Variants in WDR47 observed in about 807,000 individuals in gnomAD.
The protein encoded by WDR47 is WD repeat domain 47, also known as WD repeat-containing protein 47.
Under a neutral mutation model 97.2 loss-of-function variants are expected in WDR47, and 32 were observed. The ratio of observed to expected loss-of-function variants is 0.33; its 90% CI spans 0.25 to 0.44. The LOEUF (loss-of-function observed/expected upper bound fraction) is 0.44. WDR47 is among the 20% of genes least tolerant of loss of function. The pLI, the probability that WDR47 is intolerant of heterozygous loss-of-function variation, is 1.00. For synonymous variants in WDR47, 375 were observed against 373.5 expected, an observed-to-expected ratio of 1.00 and a Z score of -0.05; for missense variants, 782 against 1,102.3, an observed-to-expected ratio of 0.71 and a Z score of 4.11.
At chr1:108,982,345 C>CA in intron 12 of WDR47, among the ~76,000 whole-genome samples, 1 of 151,938 alleles carries the variant, frequency 6.6e-6, no homozygotes, top group East Asian at 1.9e-4. Context: ...CCAGTCTGGG[C>CA]AACATAGTGA....
intron 8 of WDR47, chr1:108,992,290 C>T (rs1009833746): frequency 1.2e-6 from 1 of 839,258 alleles, no homozygotes; most frequent in African/African-American, 1.7e-5. Flanking sequence ...AAATGGTTCG[C>T]TATTCACTTG....
intron 7 of WDR47, among the ~76,000 whole-genome samples, chr1:109,000,829 A>G (rs1468497012): frequency 6.6e-6 from 1 of 152,232 alleles, no homozygotes; most frequent in Non-Finnish European, 1.5e-5. Context: ...TCAAGTGAAG[A>G]GCTAACAGTC....
At chr1:108,997,052 G>T (rs1346060249) in intron 7 of WDR47, among the ~76,000 whole-genome samples, 1 of 151,578 alleles carries the variant, frequency 6.6e-6, no homozygotes, top group Admixed American at 6.6e-5. Flanking sequence ...GGAAGCGGAG[G>T]CTGCAGTGAG....
chr1:109,033,801 C>A (rs1488766092), intron 1 of WDR47, among the ~76,000 whole-genome samples: 1 of 152,232 alleles, frequency 6.6e-6, no homozygotes, highest in Non-Finnish European at 1.5e-5. Context: ...TGCCTGTAAT[C>A]CCAGCTACTC....
At chr1:108,986,490 G>T in intron 10 of WDR47, 33 bp downstream of exon 10, 1 of 1,553,534 alleles carries the variant, frequency 6.4e-7, no homozygotes, top group Non-Finnish European at 8.7e-7. Flanking sequence ...AAAAACTAAG[G>T]TAAGAATGGC....
In WDR47 at chr1:109,022,829, G is replaced by A. The variant is rs543293575; in HGVS notation, c.158+526C>T. Among the ~76,000 whole-genome samples the A allele has an allele frequency of 9.2e-5, 14 of 151,644 alleles. No individual in the cohort carries two copies. In the South Asian group the frequency reaches 1.7e-3, roughly 18 times the overall value. On this transcript the variant is annotated intron_variant, in intron 2 of 14. Transcript: ENST00000369962. ...CAAAACTCCTGACCTCAAGTGATCC[G>A]CCTGCCTCAGCCTCCCAAAGTGCTG...
At chr1:109,015,259 C>A (rs1661332381) in intron 3 of WDR47, among the ~76,000 whole-genome samples, 1 of 152,190 alleles carries the variant, frequency 6.6e-6, no homozygotes, top group Non-Finnish European at 1.5e-5. Context: ...GCTAACATTT[C>A]TGCATATAAC....
intron 5 of WDR47, among the ~76,000 whole-genome samples, chr1:109,010,105 T>C (rs1277842413): frequency 3.9e-5 from 6 of 152,216 alleles, no homozygotes; most frequent in Non-Finnish European, 8.8e-5. Flanking sequence ...CTCTTCTATA[T>C]TTTCCAAATT....
intron 1 of WDR47, among the ~76,000 whole-genome samples, chr1:109,037,115 A>C (rs544884906): frequency 4.9e-5 from 7 of 143,194 alleles, no homozygotes; most frequent in African/African-American, 1.8e-4. Flanking sequence ...AGATCACCTG[A>C]GGTTGGGAGT....
intron 7 of WDR47, among the ~76,000 whole-genome samples, chr1:108,999,575 G>A (rs1321184119): frequency 6.6e-6 from 1 of 151,650 alleles, no homozygotes; most frequent in Non-Finnish European, 1.5e-5. Flanking sequence ...GTGGTGGCTG[G>A]AGGATCACTT....
chr1:108,971,424 T>C lies in WDR47; in HGVS notation c.*6A>G. The C allele has an allele frequency of 6.2e-7, 1 of 1,613,968 alleles. No individual in the cohort carries two copies. Among genetic ancestry groups the C allele is most frequent in the Non-Finnish European group, 8.5e-7 (1 of 1,179,914 alleles). On this transcript the variant is annotated 3_prime_UTR_variant, in exon 15 of 15. Transcript: ENST00000369962. Reference sequence around the variant, plus strand: ...TTTTGCTGCATAGACTGACATGCGGTGTGCTCTACCCATTGTAAGTCCAGA... The same window carrying C: ...TTTTGCTGCATAGACTGACATGCGGCGTGCTCTACCCATTGTAAGTCCAGA...
In WDR47 at chr1:108,970,337, GAACT is replaced by G. The variant is rs1386697545; in HGVS notation, c.*1089_*1092del. ...CAGTGCACAGACAGTTCAATAATGA[GAACT>G]AATACAACTGCATTTGAAATAAATA... On this transcript the variant is annotated 3_prime_UTR_variant, in exon 15 of 15. Transcript: ENST00000369962. The G allele has an allele frequency of 1.8e-4, 28 of 152,318 alleles. No homozygotes were observed. The highest frequency in any genetic ancestry group is 5.8e-4 in the African/African-American group (24 of 41,334). 9.4% of individuals were successfully genotyped at this position (152,318 alleles called of 1,614,324 possible).
intron 2 of WDR47, among the ~76,000 whole-genome samples, chr1:109,021,542 A>AG (rs963191319): frequency 1.3e-5 from 2 of 151,584 alleles, no homozygotes; most frequent in African/African-American, 4.8e-5. Flanking sequence ...AAAAAAAAAA[A>AG]AAGGCGCAAG....
At chr1:109,032,467 C>A (rs1571259213) in intron 1 of WDR47, among the ~76,000 whole-genome samples, 1 of 85,380 alleles carries the variant, frequency 1.2e-5, no homozygotes, top group South Asian at 3.5e-4. Context: ...GAGATCGCAG[C>A]ACTGCACTCC....
At position 109,004,625 on chromosome 1, in the gene WDR47, C is replaced by G. The variant is rs766493995; in HGVS notation, c.1221G>C (p.Gln407His). 3 of 1,613,464 alleles carry G rather than the reference C, an allele frequency of 1.9e-6. No individual in the cohort carries two copies. In the Admixed American group the frequency reaches 5.0e-5, roughly 27 times the overall value. The stretch of plus-strand genomic sequence containing the variant: ...TTTCTTGTTTAGCTGGTCCTGGATT[C>G]TGTGCTCCATTTGCAGGCTCTTTTT... ...VSEKEPANGA[Q>H]NPGPAKQEKN... Residue 407 changes from glutamine to histidine, a missense_variant, in exon 6 of 15, where the codon CAG (glutamine) becomes CAC (histidine). Gln to His is a conservative substitution (Grantham distance 24). Transcript: ENST00000369962.
rs1302136753 is a variant in WDR47 at position 109,011,240 on chromosome 1, A to C, written c.806T>G (p.Val269Gly). Reference sequence around the variant, plus strand: ...TTTTGTAGGTTTCAGAAGTTTGTCAACATGAATATTAAGCATTTTCTGTTC... The same window carrying C: ...TTTTGTAGGTTTCAGAAGTTTGTCACCATGAATATTAAGCATTTTCTGTTC... ...AFEQKMLNIHVDKLLKPTKAA... is the reference protein window; with the variant it reads ...AFEQKMLNIHGDKLLKPTKAA... The change falls in exon 5 of 15, where the codon GTT becomes GGT. Residue 269 changes from valine to glycine, a missense_variant. Physicochemically the swap from Val to Gly is moderately radical, Grantham distance 109. Around this residue, in one of 3 missense-constraint regions of WDR47, gnomAD observed 428 missense variants for 584.3 expected, o/e 0.73. Transcript: ENST00000369962. 6.2e-7 allele frequency: 1 copy of C among 1,614,194 alleles called. No homozygotes were observed. The highest frequency in any genetic ancestry group is 8.5e-7 in the Non-Finnish European group (1 of 1,180,050).
chr1:108,982,403 C>T (rs142947369), intron 12 of WDR47, among the ~76,000 whole-genome samples: 110 of 152,052 alleles, frequency 7.2e-4, no homozygotes, highest in African/African-American at 2.5e-3. Context: ...CATGGTAGCA[C>T]GTGCCTATAG....
intron 5 of WDR47, 143 bp from the exon 6 acceptor site, chr1:109,004,858 T>C: frequency 2.9e-6 from 3 of 1,038,904 alleles, no homozygotes; most frequent in Non-Finnish European, 2.6e-6. Context: ...TGACGCAATC[T>C]CCGCTCACTG....
intron 1 of WDR47, chr1:109,030,295 T>C (rs35649696): frequency 0.087 from 120,178 of 1,384,874 alleles, 5,932 homozygotes; most frequent in African/African-American, 0.15. Context: ...CAGAAGGATG[T>C]TCCTTCAGGA....
Sources: allele counts gnomAD v4.1 joint callset (sites outside exome capture counted in the v4.1 genomes callset), GRCh38; gene constraint gnomAD v4.1.1; regional missense constraint gnomAD v4.1.1; transcripts MANE v1.5; gene names NCBI Gene and HGNC (gene_info 2026-07-23, HGNC 2026-07-21).